The following COPG2 variants were observed in gnomAD, a reference collection of about 807,000 sequenced individuals.
COPG2 encodes the protein coat protein complex I subunit gamma 2.
In COPG2, 37 loss-of-function variants were observed where a neutral mutation model predicts 46.3. The observed-to-expected ratio is 0.80, with a 90% confidence interval of 0.61 to 1.05. The LOEUF (loss-of-function observed/expected upper bound fraction) is 1.05, where lower values mean the gene tolerates loss of function less well. COPG2 is among the 50% of genes least tolerant of loss of function. The pLI, the probability that COPG2 is intolerant of heterozygous loss-of-function variation, is 0.00. For synonymous variants in COPG2, 159 were observed against 129.7 expected (o/e 1.23, Z -1.53); for missense variants, 427 against 387.8 (o/e 1.10, Z -0.85).
intron 20 of COPG2, among the ~76,000 whole-genome samples, chr7:130,531,235 G>A (rs1005867143): frequency 1.3e-5 from 2 of 151,370 alleles, no homozygotes; most frequent in Non-Finnish European, 2.9e-5. Context: ...CCCCAGCATT[G>A]AGAACACCAC....
chr7:130,523,787 C>T (rs1411663992), intron 20 of COPG2, among the ~76,000 whole-genome samples: 1 of 151,958 alleles, frequency 6.6e-6, no homozygotes, highest in Non-Finnish European at 1.5e-5. Flanking sequence ...GGAGGAAAGG[C>T]ACAAAGGGGA....
At chr7:130,527,937 C>T (rs922840767) in intron 20 of COPG2, among the ~76,000 whole-genome samples, 2 of 151,998 alleles carry the variant, frequency 1.3e-5, no homozygotes, top group Non-Finnish European at 2.9e-5. Flanking sequence ...CAGAGAAGGG[C>T]CCAGTGACTC....
intron 20 of COPG2, chr7:130,509,877 G>A (rs370678423): frequency 5.7e-5 from 28 of 489,366 alleles, no homozygotes; most frequent in African/African-American, 3.9e-4. Context: ...AATGTGAAAC[G>A]ATATAATAGT....
At chr7:130,665,200 G>A (rs922735072) in intron 3 of COPG2, among the ~76,000 whole-genome samples, 3 of 152,048 alleles carry the variant, frequency 2.0e-5, no homozygotes, top group Non-Finnish European at 4.4e-5. Context: ...AAAAATCTAT[G>A]TGCTTGTTGC....
At chr7:130,510,623 A>G (rs1799579565) in intron 20 of COPG2, among the ~76,000 whole-genome samples, 1 of 152,170 alleles carries the variant, frequency 6.6e-6, no homozygotes, top group African/African-American at 2.4e-5. Context: ...TGTGGAGGTA[A>G]AGACAGAAGA....
intron 20 of COPG2, among the ~76,000 whole-genome samples, chr7:130,517,421 C>T (rs1410851073): frequency 2.6e-5 from 4 of 152,114 alleles, no homozygotes; most frequent in Admixed American, 6.5e-5. Context: ...AACAGAGCTT[C>T]GGGGACCCAG....
chr7:130,592,540 A>C (rs1383385493), intron 9 of COPG2, among the ~76,000 whole-genome samples: 1 of 152,200 alleles, frequency 6.6e-6, no homozygotes, highest in Non-Finnish European at 1.5e-5. Flanking sequence ...AGCATGGTAA[A>C]ATTAAAAACA....
chr7:130,513,782 G>A (rs1192106867), intron 20 of COPG2, among the ~76,000 whole-genome samples: 2 of 152,148 alleles, frequency 1.3e-5, no homozygotes, highest in Admixed American at 6.5e-5. Flanking sequence ...CTAAATTCAT[G>A]AGAATGATAC....
chr7:130,654,232 G>A (rs1376587554), intron 4 of COPG2, among the ~76,000 whole-genome samples: 1 of 152,110 alleles, frequency 6.6e-6, no homozygotes, highest in Non-Finnish European at 1.5e-5. Flanking sequence ...CAGAAATGCT[G>A]AATAAAATCA....
At chr7:130,606,473 A>G (rs1459415160) in intron 9 of COPG2, among the ~76,000 whole-genome samples, 2 of 152,162 alleles carry the variant, frequency 1.3e-5, no homozygotes, top group African/African-American at 4.8e-5. Context: ...AGGAAGTAAA[A>G]AACACATTAA....
In COPG2 at chr7:130,561,165, T is replaced by G; in HGVS notation, c.996A>C (p.Leu332Phe). ...CAATGCTTCTGTTTGAGTCTGTGAT[T>G]AAGTTTTCTAAGTCCAGATTGCAGG... Reference protein sequence around the residue: ...VTACNLDLENLITDSNRSIAT... With the variant: ...VTACNLDLENFITDSNRSIAT... The change falls in exon 12 of 24, where the codon TTA becomes TTC. Residue 332 changes from leucine to phenylalanine, a missense_variant. Transcript: ENST00000425248. 2.5e-6 allele frequency: 1 copy of G among 398,542 alleles called. No homozygotes were observed. The highest frequency in any genetic ancestry group is 1.3e-4 in the South Asian group (1 of 7,856). 24.7% of individuals were successfully genotyped at this position (398,542 alleles called of 1,614,324 possible).
At chr7:130,613,723 C>G in intron 6 of COPG2, 87 bp from the exon 7 acceptor site, 1 of 836,478 alleles carries the variant, frequency 1.2e-6, no homozygotes, top group Admixed American at 2.1e-5. Context: ...TTTCAAAAAC[C>G]AATCTTATAT....
At chr7:130,637,705 C>T (rs527440498) in intron 5 of COPG2, among the ~76,000 whole-genome samples, 148 of 152,248 alleles carry the variant, frequency 9.7e-4, no homozygotes, top group African/African-American at 3.2e-3. Flanking sequence ...TTATTACCTA[C>T]CCTCTGAAGC....
At position 130,662,537 on chromosome 7, in the gene COPG2, T is replaced by C. The variant is rs530643905; in HGVS notation, c.243+430A>G. ...GGTAATGAGAGGCAGGTTTAGTTTGTACTCATTTTTCTTTTTCCTTATTCT... is the reference window on the plus strand; with the variant it reads ...GGTAATGAGAGGCAGGTTTAGTTTGCACTCATTTTTCTTTTTCCTTATTCT... On this transcript the variant is annotated intron_variant, in intron 4 of 23. Coordinates refer to ENST00000425248, the MANE Select transcript of COPG2 (RefSeq NM_012133.6). 5.2e-4 allele frequency among the ~76,000 whole-genome samples: 79 copies of C among 152,274 alleles called. 1 individual carries two copies. In the Middle Eastern group the frequency reaches 0.017, roughly 33 times the overall value.
At chr7:130,531,876 C>T (rs923273083) in intron 20 of COPG2, among the ~76,000 whole-genome samples, 23 of 152,024 alleles carry the variant, frequency 1.5e-4, no homozygotes, top group Non-Finnish European at 2.6e-4. Flanking sequence ...GCTGGGGGCA[C>T]GGACCCCCAG....
intron 20 of COPG2, among the ~76,000 whole-genome samples, chr7:130,543,560 A>G (rs1793378739): frequency 6.6e-6 from 1 of 152,190 alleles, no homozygotes; most frequent in Non-Finnish European, 1.5e-5. Flanking sequence ...TCTACTAGCT[A>G]AGGATGCAGG....
At chr7:130,603,549 G>A (rs369941552) in intron 9 of COPG2, among the ~76,000 whole-genome samples, 5 of 151,564 alleles carry the variant, frequency 3.3e-5, no homozygotes, top group Non-Finnish European at 5.9e-5. Context: ...GTCACACTCC[G>A]TCTCTACTAA....
At chr7:130,610,730 GT>G (rs1554451922) in intron 9 of COPG2, 1 of 644,144 alleles carries the variant, frequency 1.6e-6, no homozygotes, top group Non-Finnish European at 2.8e-6. Context: ...TTCAATATCA[GT>G]TTGTTAATGT....
Position 130,554,657 on chromosome 7 carries a change from C to T in COPG2, c.1292G>A (p.Ser431Asn), listed in dbSNP as rs1793590122. Residue 431 changes from serine (S) to asparagine (N), a missense_variant, in exon 14 of 24, where the codon AGT becomes AAT. Physicochemically the swap from Ser to Asn is conservative, Grantham distance 46. Transcript: ENST00000425248. ...IISIVEENPESKEAGLAHLCE... is the reference protein window; with the variant it reads ...IISIVEENPENKEAGLAHLCE... ...AAGGTGGGCTAGGCCTGCTTCTTTA[C>T]TCTCAGGGTTCTCTTCCACAATGCT... 2.5e-6 allele frequency: 1 copy of T among 398,496 alleles called. No homozygotes were observed. Among genetic ancestry groups the T allele is most frequent in the Non-Finnish European group, 4.4e-6 (1 of 226,078 alleles). 24.7% of individuals were successfully genotyped at this position (398,496 alleles called of 1,614,324 possible).
Sources: gnomAD v4.1 joint callset for allele counts (sites outside exome capture counted in the v4.1 genomes callset) on GRCh38, gnomAD v4.1.1 for gene constraint, MANE v1.5 for transcripts, NCBI Gene and HGNC (gene_info 2026-07-23, HGNC 2026-07-21) for gene names.